The following CDH4 variants were observed in gnomAD, a reference collection of about 807,000 sequenced individuals.
CDH4 encodes cadherin 4, also known as cadherin-4.
Under a neutral mutation model 86.0 loss-of-function variants are expected in CDH4, and 33 were observed. The observed-to-expected ratio is 0.38, with a 90% CI of 0.29 to 0.51. The LOEUF (loss-of-function observed/expected upper bound fraction) is 0.51. Among genes scored for constraint, CDH4 ranks in the 20% least tolerant of loss-of-function variants. The pLI, the probability that CDH4 is intolerant of heterozygous loss-of-function variation, is 0.86. For missense variants in CDH4, 1,114 were observed against 1,307.4 expected, an observed-to-expected ratio of 0.85 and a Z score of 2.28; for synonymous variants, 555 against 549.4, an observed-to-expected ratio of 1.01 and a Z score of -0.14.
intron 2 of CDH4, among the ~76,000 whole-genome samples, chr20:61,692,085 G>T (rs2087661771): frequency 6.6e-6 from 1 of 151,846 alleles, no homozygotes; most frequent in African/African-American, 2.4e-5. Context: ...GTAAAGATGT[G>T]TGTGTGTATG....
At chr20:61,616,132 C>A (rs1231014078) in intron 2 of CDH4, among the ~76,000 whole-genome samples, 1 of 152,222 alleles carries the variant, frequency 6.6e-6, no homozygotes, top group African/African-American at 2.4e-5. Flanking sequence ...AGCTCAGGGG[C>A]ACAGGCAGGG....
intron 4 of CDH4, among the ~76,000 whole-genome samples, chr20:61,787,296 C>G (rs1978934899): frequency 1.3e-5 from 2 of 152,320 alleles, no homozygotes; most frequent in South Asian, 4.1e-4. Flanking sequence ...CACAGTTCAG[C>G]AGGTCTGGGG....
chr20:61,336,885 G>T (rs996343698), intron 2 of CDH4, among the ~76,000 whole-genome samples: 1 of 152,092 alleles, frequency 6.6e-6, no homozygotes, highest in African/African-American at 2.4e-5. Flanking sequence ...GCACATCCCA[G>T]TCTCTCTCAG....
chr20:61,769,700 A>G (rs1261383825), intron 3 of CDH4, among the ~76,000 whole-genome samples: 1 of 152,074 alleles, frequency 6.6e-6, no homozygotes, highest in African/African-American at 2.4e-5. Flanking sequence ...AACTGGTGAG[A>G]GGGAGGACTT....
chr20:61,712,896 T>C (rs1159919023), intron 2 of CDH4, among the ~76,000 whole-genome samples: 1 of 152,194 alleles, frequency 6.6e-6, no homozygotes, highest in Non-Finnish European at 1.5e-5. Flanking sequence ...GAACTCCTCG[T>C]TGACAGGCAG....
chr20:61,736,914 C>T (rs1212849231), intron 2 of CDH4, among the ~76,000 whole-genome samples: 2 of 152,174 alleles, frequency 1.3e-5, no homozygotes, highest in African/African-American at 2.4e-5. Flanking sequence ...GGGGGCCAGC[C>T]GCATCCCAGC....
In CDH4 at chr20:61,364,954, A is replaced by G. The variant is rs369703775; in HGVS notation, c.169+110017A>G. The stretch of plus-strand genomic sequence containing the variant: ...GGGTGGGGAGCAGCAGCTTTGTTTT[A>G]AGGAGCCCCCAGGGGATCCCAATGC... On this transcript the variant is annotated intron_variant, in intron 2 of 15. Coordinates refer to ENST00000614565, the MANE Select transcript of CDH4 (RefSeq NM_001794.5). Among the ~76,000 whole-genome samples the G allele has an allele frequency of 5.3e-5, 8 of 152,244 alleles. No homozygotes were observed. The South Asian group carries it at 1.5e-3, about 28-fold the overall frequency.
chr20:61,696,554 A>G (rs2087717081), intron 2 of CDH4, among the ~76,000 whole-genome samples: 1 of 152,158 alleles, frequency 6.6e-6, no homozygotes, highest in Non-Finnish European at 1.5e-5. Context: ...TTAAGACGGG[A>G]CCGGGGCTGA....
chr20:61,404,779 G>C (rs186745339), intron 2 of CDH4, among the ~76,000 whole-genome samples: 1 of 151,692 alleles, frequency 6.6e-6, no homozygotes. Flanking sequence ...GGCTGGGCGT[G>C]GTGGCTCACG....
intron 9 of CDH4, among the ~76,000 whole-genome samples, chr20:61,921,715 G>A (rs1182400127): frequency 3.5e-5 from 2 of 56,700 alleles, no homozygotes; most frequent in African/African-American, 1.4e-4. Context: ...TCATGCCACT[G>A]CACTCCAGCC....
At chr20:61,796,544 G>A (rs1254219099) in intron 4 of CDH4, among the ~76,000 whole-genome samples, 1 of 152,220 alleles carries the variant, frequency 6.6e-6, no homozygotes, top group Non-Finnish European at 1.5e-5. Context: ...CCCGGGCCCT[G>A]TAGTGGCCCC....
intron 2 of CDH4, among the ~76,000 whole-genome samples, chr20:61,617,574 G>A (rs373943613): frequency 5.9e-5 from 9 of 152,204 alleles, no homozygotes; most frequent in Non-Finnish European, 8.8e-5. Flanking sequence ...GTGCCCCTTC[G>A]TGGGTCACAG....
chr20:61,524,222 A>C (rs1340657759), intron 2 of CDH4, among the ~76,000 whole-genome samples: 1 of 152,124 alleles, frequency 6.6e-6, no homozygotes, highest in Non-Finnish European at 1.5e-5. Context: ...TCCTGTTTCT[A>C]CCTGGAATGC....
intron 4 of CDH4, among the ~76,000 whole-genome samples, chr20:61,780,506 A>T (rs1978481045): frequency 6.6e-6 from 1 of 152,188 alleles, no homozygotes; most frequent in South Asian, 2.1e-4. Flanking sequence ...TCATTAAGTG[A>T]GAATGACGGA....
chr20:61,318,322 C>T (rs2084488791), intron 2 of CDH4, among the ~76,000 whole-genome samples: 1 of 152,228 alleles, frequency 6.6e-6, no homozygotes, highest in Non-Finnish European at 1.5e-5. Context: ...CAGTGCTCAG[C>T]TGACCAGCAG....
In CDH4 at chr20:61,392,359, C is replaced by T. The variant is rs985857944; in HGVS notation, c.169+137422C>T. On this transcript the variant is annotated intron_variant, in intron 2 of 15. Coordinates refer to ENST00000614565, the MANE Select transcript of CDH4 (RefSeq NM_001794.5). The surrounding 1 kb of genome is among the most constrained non-coding windows in gnomAD (Gnocchi z 5.7). ...CCCTGCGATTCCGCTCGGAGTCCCA[C>T]GCTGCTCAGTATGCATGATCACAGG... is the stretch of plus-strand genomic sequence containing the variant. Among the ~76,000 whole-genome samples, 1 of 152,268 alleles carries T rather than the reference C, an allele frequency of 6.6e-6. No individual in the cohort carries two copies. The highest frequency in any genetic ancestry group is 2.4e-5 in the African/African-American group (1 of 41,564).
chr20:61,737,348 T>C (rs371367903), intron 2 of CDH4, among the ~76,000 whole-genome samples: 20 of 152,212 alleles, frequency 1.3e-4, no homozygotes, highest in East Asian at 5.8e-4. Context: ...ACCCCACACC[T>C]TGGGGTGAGG....
intron 2 of CDH4, among the ~76,000 whole-genome samples, chr20:61,331,739 G>A (rs1472212204): frequency 2.4e-4 from 1 of 4,084 alleles, no homozygotes; most frequent in African/African-American, 1.2e-3. Context: ...AATGAGATGC[G>A]AGGCACTGTC....
intron 2 of CDH4, among the ~76,000 whole-genome samples, chr20:61,726,537 A>C (rs781704658): frequency 6.6e-6 from 1 of 152,124 alleles, no homozygotes; most frequent in Non-Finnish European, 1.5e-5. Flanking sequence ...ATTCCCAGGC[A>C]TGTGGTATGG....
Sources: allele counts gnomAD v4.1 joint callset (sites outside exome capture counted in the v4.1 genomes callset), GRCh38; gene constraint gnomAD v4.1.1; non-coding constraint Gnocchi (gnomAD v3.1); transcripts MANE v1.5; gene names NCBI Gene and HGNC (gene_info 2026-07-23, HGNC 2026-07-21).